The following CAMSAP1 variants were observed in gnomAD, a reference collection of about 807,000 sequenced individuals.
The protein encoded by CAMSAP1 is calmodulin regulated spectrin associated protein 1.
Under a neutral mutation model 143.5 loss-of-function variants are expected in CAMSAP1, and 58 were observed. That is an observed-to-expected ratio of 0.40 (90% confidence interval 0.33 to 0.50). The LOEUF is 0.50. CAMSAP1 is among the 20% of genes least tolerant of loss of function. CAMSAP1 has a pLI of 0.45. For missense variants in CAMSAP1, 1,969 were observed against 2,115.7 expected (o/e 0.93, Z 1.36); for synonymous variants, 945 against 859.3 (o/e 1.10, Z -1.74).
intron 5 of CAMSAP1, among the ~76,000 whole-genome samples, chr9:135,853,005 A>T (rs1836834037): frequency 6.6e-6 from 1 of 152,212 alleles, no homozygotes; most frequent in African/African-American, 2.4e-5. Flanking sequence ...TGAGAAACGT[A>T]TTCACAGTCC....
Position 135,822,900 on chromosome 9 carries a change from A to T in CAMSAP1, c.1761T>A (p.Pro587=). The T allele has an allele frequency of 6.2e-7, 1 of 1,613,828 alleles. No homozygotes were observed. The highest frequency in any genetic ancestry group is 8.5e-7 in the Non-Finnish European group (1 of 1,179,848). ...TCAAAGGCTCCAAGAAAAAACTGTC[A>T]GGCTTACTTTCCGAGGTGTCCAGCT... ...QGQLDTSESK[P]DSFFLEPLMP... Residue 587 remains proline (P), a synonymous_variant, in exon 11 of 17, where the codon CCT becomes CCA. Transcript: ENST00000389532. The surrounding 1 kb of genome is among the most constrained non-coding windows in gnomAD (Gnocchi z 6.1).
intron 4 of CAMSAP1, among the ~76,000 whole-genome samples, chr9:135,864,975 A>T (rs1308648876): frequency 1.3e-5 from 2 of 152,254 alleles, no homozygotes; most frequent in Non-Finnish European, 2.9e-5. Flanking sequence ...TACCACAGTC[A>T]GGCAAGGTAA....
chr9:135,875,395 G>T (rs1026784534), intron 3 of CAMSAP1, among the ~76,000 whole-genome samples: 2 of 152,006 alleles, frequency 1.3e-5, no homozygotes, highest in African/African-American at 4.8e-5. Context: ...ATTTTAAGTA[G>T]AGATGAGGTT....
chr9:135,815,843 G>A (rs759692542), intron 15 of CAMSAP1, 47 bp downstream of exon 15: 34 of 1,478,376 alleles, frequency 2.3e-5, no homozygotes, highest in African/African-American at 8.3e-5. Context: ...ACGCAAAGGC[G>A]TATGGCCATG....
rs1353335145 is a variant in CAMSAP1 at position 135,822,852 on chromosome 9, C to A, written c.1809G>T (p.Ala603=). The change falls in exon 11 of 17, where the codon GCG becomes GCT. Residue 603 remains alanine (A), a synonymous_variant. Transcript: ENST00000389532. This position sits in a 1 kb window ranked among gnomAD's most constrained non-coding sequence, Gnocchi z 6.1. ...EPLMPAVLKP[A]KEKQVITKED... The stretch of plus-strand genomic sequence containing the variant: ...CCTTGGTGATCACCTGCTTCTCTTT[C>A]GCTGGCTTAAGAACTGCTGGCATCA... 1 of 1,613,942 alleles carries A rather than the reference C, an allele frequency of 6.2e-7. No individual in the cohort carries two copies. Among genetic ancestry groups the A allele is most frequent in the South Asian group, 1.1e-5 (1 of 91,066 alleles).
In CAMSAP1 at chr9:135,861,415, C is replaced by T. The variant is rs1042716489; in HGVS notation, c.808+1052G>A. On this transcript the variant is annotated intron_variant, in intron 5 of 16. Transcript: ENST00000389532. ...ACAATGTCTGCCTCCCAGGTTCAGA[C>T]AATTCTCCTGTTTCAGCCTCCCAAG... Among the ~76,000 whole-genome samples, 6 of 151,664 alleles carry T rather than the reference C, an allele frequency of 4.0e-5. No homozygotes were observed. The East Asian group carries it at 1.2e-3, about 30-fold the overall frequency.
chr9:135,876,447 T>C (rs1385932637), intron 3 of CAMSAP1, among the ~76,000 whole-genome samples: 1 of 152,162 alleles, frequency 6.6e-6, no homozygotes, highest in Non-Finnish European at 1.5e-5. Flanking sequence ...TAAAAGAATG[T>C]AGACAAGCAT....
intron 7 of CAMSAP1, among the ~76,000 whole-genome samples, chr9:135,837,140 T>A (rs370182744): frequency 0.014 from 2,076 of 144,686 alleles, 32 homozygotes; most frequent in African/African-American, 0.048. Context: ...CAGACACACA[T>A]CATCATGCAC....
chr9:135,848,471 A>G (rs1015069346), intron 7 of CAMSAP1, among the ~76,000 whole-genome samples: 8 of 152,058 alleles, frequency 5.3e-5, no homozygotes, highest in Admixed American at 3.9e-4. Context: ...GGAGCACCCA[A>G]CGTGCCCAAT....
chr9:135,869,623 T>C (rs538524031), intron 3 of CAMSAP1, among the ~76,000 whole-genome samples: 3 of 152,002 alleles, frequency 2.0e-5, no homozygotes, highest in Admixed American at 6.5e-5. Flanking sequence ...GAAGACAGTC[T>C]GGAAGTTCCT....
chr9:135,885,368 C>G (rs1207807949), intron 1 of CAMSAP1, among the ~76,000 whole-genome samples: 3 of 152,208 alleles, frequency 2.0e-5, no homozygotes, highest in Admixed American at 6.5e-5. Flanking sequence ...GTCCAAGCCA[C>G]CCTCTCCTCC....
intron 11 of CAMSAP1, among the ~76,000 whole-genome samples, chr9:135,819,886 C>T (rs1047726742): frequency 3.3e-5 from 5 of 151,698 alleles, no homozygotes; most frequent in Admixed American, 6.6e-5. Flanking sequence ...AAGTTGGTCA[C>T]GAATTTGTTT....
chr9:135,811,959 C>T lies in CAMSAP1; in HGVS notation c.4507-348G>A, dbSNP rs140578501. The stretch of plus-strand genomic sequence containing the variant: ...GGACGGCTGGAACCCAGAAGCAGGG[C>T]GGTAACGAGTGCTGGCGAGCCATGG... On this transcript the variant is annotated intron_variant, in intron 16 of 16. Coordinates refer to ENST00000389532, the MANE Select transcript of CAMSAP1 (RefSeq NM_015447.4). This position sits in a 1 kb window ranked among gnomAD's most constrained non-coding sequence, Gnocchi z 4.9. Among the ~76,000 whole-genome samples the T allele has an allele frequency of 3.1e-4, 47 of 152,256 alleles. 1 individual carries two copies. In the South Asian group the frequency reaches 3.9e-3, roughly 13 times the overall value.
At chr9:135,828,655 AGAG>A (rs1181576168) in intron 7 of CAMSAP1, among the ~76,000 whole-genome samples, 1 of 152,242 alleles carries the variant, frequency 6.6e-6, no homozygotes, top group Non-Finnish European at 1.5e-5. Context: ...TTGAGCCTAC[AGAG>A]GAGGGCTTCC....
At position 135,822,792 on chromosome 9, in the gene CAMSAP1, G is replaced by A. The variant is rs765610866; in HGVS notation, c.1869C>T (p.Ile623=). 26 of 1,613,796 alleles carry A rather than the reference G, an allele frequency of 1.6e-5. No individual in the cohort carries two copies. The highest frequency in any genetic ancestry group is 8.3e-5 in the Admixed American group (5 of 60,004). ...GGCCCTCGCTGGGCCTCCTAGACACGATGCTCCTCGGTCTCCCTTCCCCCC... is the reference window on the plus strand; with the variant it reads ...GGCCCTCGCTGGGCCTCCTAGACACAATGCTCCTCGGTCTCCCTTCCCCCC... ...DERGEGRPRS[I]VSRRPSEGPQ... Residue 623 remains isoleucine (I), a synonymous_variant, in exon 11 of 17, where the codon ATC becomes ATT. Coordinates refer to ENST00000389532, the MANE Select transcript of CAMSAP1 (RefSeq NM_015447.4). The surrounding 1 kb of genome is among the most constrained non-coding windows in gnomAD (Gnocchi z 6.1).
intron 3 of CAMSAP1, among the ~76,000 whole-genome samples, chr9:135,868,843 C>A (rs1311306051): frequency 2.0e-5 from 3 of 151,964 alleles, no homozygotes; most frequent in Admixed American, 1.3e-4. Context: ...ATCTCGATAT[C>A]CTGACCTCGT....
intron 1 of CAMSAP1, among the ~76,000 whole-genome samples, chr9:135,906,172 TCAAC>T (rs1388255072): frequency 6.6e-6 from 1 of 152,176 alleles, no homozygotes; most frequent in Admixed American, 6.5e-5. Flanking sequence ...TCCAAACTGG[TCAAC>T]TGAACTCTTC....
At chr9:135,864,870 C>T (rs1342007791) in intron 4 of CAMSAP1, among the ~76,000 whole-genome samples, 3 of 152,156 alleles carry the variant, frequency 2.0e-5, no homozygotes, top group Non-Finnish European at 2.9e-5. Context: ...CTGGTGAGAG[C>T]CCCTCTCTGC....
At chr9:135,877,023 TA>T (rs1369971297) in intron 3 of CAMSAP1, among the ~76,000 whole-genome samples, 3 of 151,418 alleles carry the variant, frequency 2.0e-5, no homozygotes, top group Non-Finnish European at 3.0e-5. Context: ...AAGAAAGAAA[TA>T]AAAATATATC....
Sources: gnomAD v4.1 joint callset for allele counts (sites outside exome capture counted in the v4.1 genomes callset) on GRCh38, gnomAD v4.1.1 for gene constraint, Gnocchi (gnomAD v3.1) non-coding constraint, MANE v1.5 for transcripts, NCBI Gene and HGNC (gene_info 2026-07-23, HGNC 2026-07-21) for gene names.